FAAH2: variants seen among roughly 807,000 people sequenced by gnomAD.
The protein encoded by FAAH2 is fatty acid amide hydrolase 2, also known as fatty-acid amide hydrolase 2.
Under a neutral mutation model 36.9 loss-of-function variants are expected in FAAH2, and 60 were observed. The ratio of observed to expected loss-of-function variants is 1.63; its 90% confidence interval spans 1.32 to 2.02. The LOEUF (loss-of-function observed/expected upper bound fraction) is 2.02. FAAH2 is among the 30% of genes most tolerant of loss of function. The pLI is 0.00. For missense variants in FAAH2, 689 were observed against 397.5 expected, an observed-to-expected ratio of 1.73 and a Z score of -6.23; for synonymous variants, 214 against 143.8, an observed-to-expected ratio of 1.49 and a Z score of -3.49.
At chrX:57,267,267 G>T in the FAAH2 span, among the ~76,000 whole-genome samples, 1 of 112,864 alleles carries the variant, frequency 8.9e-6, no homozygotes. Flanking sequence ...GCATGCAGGA[G>T]TGCACTACTT....
rs2053063712 is a variant in FAAH2, at chrX:57,322,607, T to C, written c.413-8991T>C. 4.5e-5 allele frequency among the ~76,000 whole-genome samples: 5 copies of C among 111,510 alleles called. No individual in the cohort carries two copies. In the Admixed American group the frequency reaches 4.8e-4, roughly 11 times the overall value. ...CTGAAATATATTTTCTAATTTGCCT[T>C]CTTTCTCTTTTTCTTTTCTGGAATG... On this transcript the variant is annotated intron_variant, in intron 3 of 10. Transcript: ENST00000374900.
chrX:57,466,617 G>A (rs1240272711), intron 10 of FAAH2, among the ~76,000 whole-genome samples: 1 of 110,276 alleles, frequency 9.1e-6, no homozygotes, highest in Non-Finnish European at 1.9e-5. Context: ...AAAAAATCAA[G>A]GATCAACAGT....
chrX:57,239,685 G>T, the FAAH2 span, among the ~76,000 whole-genome samples: 1 of 110,933 alleles, frequency 9.0e-6, no homozygotes, highest in South Asian at 3.8e-4. Flanking sequence ...TTCTTTGTAG[G>T]TCTGGTCTCT....
chrX:57,311,611 C>T (rs976344176), intron 3 of FAAH2, among the ~76,000 whole-genome samples: 8 of 111,703 alleles, frequency 7.2e-5, no homozygotes, highest in South Asian at 3.7e-4. Flanking sequence ...AGGTGCAGGC[C>T]GGGATGACCT....
At chrX:57,306,875 TAC>T (rs929898314) in intron 2 of FAAH2, among the ~76,000 whole-genome samples, 6 of 91,169 alleles carry the variant, frequency 6.6e-5, no homozygotes, top group Admixed American at 6.5e-4. Context: ...ACACTATATA[TAC>T]ACTATATATA....
At chrX:57,172,722 G>A in the FAAH2 span, among the ~76,000 whole-genome samples, 4 of 111,829 alleles carry the variant, frequency 3.6e-5, no homozygotes, top group Non-Finnish European at 1.9e-5. Context: ...AGGCCAGTCA[G>A]TGGCCTGGGC....
intron 7 of FAAH2, 28 bp from the exon 8 acceptor site, chrX:57,431,890 G>T (rs750022698): frequency 3.8e-5 from 41 of 1,089,200 alleles, no homozygotes; most frequent in Non-Finnish European, 4.9e-5. Flanking sequence ...CATCATGTTT[G>T]TCTGTTTTTA....
intron 2 of FAAH2, among the ~76,000 whole-genome samples, chrX:57,306,853 G>C (rs1316828781): frequency 2.3e-5 from 2 of 87,693 alleles, no homozygotes; most frequent in Non-Finnish European, 4.5e-5. Flanking sequence ...CTATATATGT[G>C]TATATATATA....
chrX:57,371,743 C>T (rs1314998068), intron 5 of FAAH2, among the ~76,000 whole-genome samples: 3 of 110,733 alleles, frequency 2.7e-5, no homozygotes, highest in African/African-American at 9.8e-5. Flanking sequence ...ATGATTGAAC[C>T]TGTTACCCAG....
At chrX:57,281,628 A>T in the FAAH2 span, among the ~76,000 whole-genome samples, 1 of 111,614 alleles carries the variant, frequency 9.0e-6, no homozygotes, top group Non-Finnish European at 1.9e-5. Flanking sequence ...GGTAAATTGC[A>T]TGTCATGGAG....
At position 57,354,460 on chromosome X, in the gene FAAH2, A is replaced by G. The variant is rs1185265558; in HGVS notation, c.742+13070A>G. 2.7e-5 allele frequency among the ~76,000 whole-genome samples: 3 copies of G among 110,562 alleles called. No homozygotes were observed. In the Admixed American group the frequency reaches 2.9e-4, roughly 11 times the overall value. On this transcript the variant is annotated intron_variant, in intron 5 of 10. Transcript: ENST00000374900. ...GCTGAGAGAGTGGAACACGATTAGA[A>G]ATTTGTTAATGGGTACAATGCACAT...
intron 10 of FAAH2, among the ~76,000 whole-genome samples, chrX:57,466,141 TC>T (rs2057043133): frequency 2.5e-5 from 2 of 80,671 alleles, no homozygotes; most frequent in Non-Finnish European, 4.4e-5. Flanking sequence ...TCTCTCTCTC[TC>T]TCTCTCTCTC....
intron 6 of FAAH2, 77 bp downstream of exon 6, chrX:57,378,863 G>A: frequency 3.6e-6 from 4 of 1,102,331 alleles, no homozygotes; most frequent in East Asian, 3.3e-5. Flanking sequence ...TGTCATAGAG[G>A]TAGACTTTCA....
the FAAH2 span, among the ~76,000 whole-genome samples, chrX:57,249,242 C>T: frequency 1.8e-5 from 2 of 111,541 alleles, no homozygotes; most frequent in African/African-American, 6.5e-5. Flanking sequence ...TCCACTAACC[C>T]TTTACTATAG....
the FAAH2 span, among the ~76,000 whole-genome samples, chrX:57,172,735 TC>T: frequency 8.9e-6 from 1 of 111,788 alleles, no homozygotes; most frequent in Non-Finnish European, 1.9e-5. Flanking sequence ...GCCTGGGCTC[TC>T]CTCCAACTGC....
At chrX:57,460,487 G>C (rs953100421) in intron 10 of FAAH2, among the ~76,000 whole-genome samples, 2 of 111,884 alleles carry the variant, frequency 1.8e-5, no homozygotes, top group African/African-American at 6.5e-5. Context: ...AGCCAGAAGA[G>C]AGTGGGGGCC....
intron 8 of FAAH2, 132 bp from the exon 9 acceptor site, chrX:57,446,796 T>C: frequency 2.3e-6 from 1 of 426,631 alleles, no homozygotes; most frequent in East Asian, 3.9e-5. Context: ...TAAATTTTAT[T>C]TATGTATTCA....
At chrX:57,459,707 T>A (rs1367591353) in intron 10 of FAAH2, among the ~76,000 whole-genome samples, 1 of 111,983 alleles carries the variant, frequency 8.9e-6, no homozygotes, top group East Asian at 2.8e-4. Flanking sequence ...GACAAATAGG[T>A]TCTGGAGTGG....
the FAAH2 span, among the ~76,000 whole-genome samples, chrX:57,185,499 T>C: frequency 6.6e-5 from 7 of 106,593 alleles, no homozygotes; most frequent in African/African-American, 1.8e-4. Context: ...TGTGTGTGTG[T>C]GTGTGTGTGT....
Sources: gnomAD v4.1 joint callset for allele counts (sites outside exome capture counted in the v4.1 genomes callset) on GRCh38, gnomAD v4.1.1 for gene constraint, MANE v1.5 for transcripts, NCBI Gene and HGNC (gene_info 2026-07-23, HGNC 2026-07-21) for gene names.